Variants in TMEM63C observed in about 807,000 individuals in gnomAD.
The protein encoded by TMEM63C is osmosensitive cation channel TMEM63C.
TMEM63C carries 32 observed loss-of-function variants against 99.2 expected under a neutral mutation model. The observed-to-expected ratio is 0.32, with a 90% CI of 0.24 to 0.43. The LOEUF is 0.43. Ranked by LOEUF, TMEM63C falls within the 20% of genes least tolerant of loss-of-function variation. The pLI is 1.00. For synonymous variants in TMEM63C, 376 were observed against 397.9 expected (o/e 0.94, Z 0.66); for missense variants, 826 against 1,053.0 (o/e 0.78, Z 2.98).
intron 15 of TMEM63C, 46 bp from the exon 16 acceptor site, chr14:77,244,303 G>GCTT (rs1889232462): frequency 7.2e-7 from 1 of 1,388,978 alleles, no homozygotes; most frequent in South Asian, 1.2e-5. Context: ...GGAAGAGGAT[G>GCTT]CTTGCATTGA....
chr14:77,225,300 C>A, intron 5 of TMEM63C, 124 bp from the exon 6 acceptor site: 1 of 691,314 alleles, frequency 1.4e-6, no homozygotes, highest in South Asian at 2.6e-5. Context: ...GACTCTTTTT[C>A]CCAGGAAGGA....
At chr14:77,242,699 C>T (rs1303295922) in intron 14 of TMEM63C, among the ~76,000 whole-genome samples, 1 of 143,680 alleles carries the variant, frequency 7.0e-6, no homozygotes, top group Admixed American at 6.7e-5. Context: ...GAACTCAGGT[C>T]CATTTTTTTT....
intron 1 of TMEM63C, among the ~76,000 whole-genome samples, chr14:77,203,735 C>T (rs1000546849): frequency 6.6e-6 from 1 of 152,258 alleles, no homozygotes; most frequent in Admixed American, 6.5e-5. Context: ...TCTATCTAGA[C>T]AGTAATAAAT....
At chr14:77,200,759 A>C (rs1888285927) in intron 1 of TMEM63C, among the ~76,000 whole-genome samples, 1 of 152,122 alleles carries the variant, frequency 6.6e-6, no homozygotes, top group African/African-American at 2.4e-5. Flanking sequence ...CTCCTCCCGG[A>C]ATGTTCTGCC....
At chr14:77,193,830 G>A (rs1016974372) in intron 1 of TMEM63C, among the ~76,000 whole-genome samples, 11 of 133,540 alleles carry the variant, frequency 8.2e-5, no homozygotes, top group East Asian at 2.0e-4. Context: ...GCGAAACTCC[G>A]TCTCAAAAAA....
intron 6 of TMEM63C, 121 bp from the exon 7 acceptor site, chr14:77,231,467 T>TAAAA: frequency 1.1e-5 from 11 of 963,106 alleles, no homozygotes; most frequent in South Asian, 1.8e-5. Flanking sequence ...ATAGAGATAG[T>TAAAA]AAAAAAAAAA....
rs116832486 is a variant in TMEM63C at position 77,242,257 on chromosome 14, T to C, written c.1065-90T>C. Reference sequence around the variant, plus strand: ...TGAGCCCCCATCTGTAGGACCACCATAGTGGCCCTGAGCTCCTGGCATGAG... The same window carrying C: ...TGAGCCCCCATCTGTAGGACCACCACAGTGGCCCTGAGCTCCTGGCATGAG... On this transcript the variant is annotated intron_variant, in intron 13 of 23. Transcript: ENST00000298351. 7.5e-4 allele frequency: 1,086 copies of C among 1,453,768 alleles called. 8 individuals carry two copies. The African/African-American group carries it at 0.013, about 18-fold the overall frequency. The allele number at this position is 1,453,768 out of a possible 1,614,324, so 90.1% of individuals were successfully genotyped here.
chr14:77,225,244 A>T (rs1043656126), intron 5 of TMEM63C, among the ~76,000 whole-genome samples, 180 bp from the exon 6 acceptor site: 1 of 152,166 alleles, frequency 6.6e-6, no homozygotes, highest in African/African-American at 2.4e-5. Context: ...ATTTCCAGGG[A>T]AGCATCTCCC....
intron 7 of TMEM63C, among the ~76,000 whole-genome samples, chr14:77,232,014 C>G (rs1457409829): frequency 6.6e-6 from 1 of 152,202 alleles, no homozygotes; most frequent in African/African-American, 2.4e-5. Flanking sequence ...TCTGGCTGGG[C>G]GTTCCTGGAG....
intron 1 of TMEM63C, among the ~76,000 whole-genome samples, chr14:77,210,324 A>C (rs1888473514): frequency 6.6e-6 from 1 of 152,136 alleles, no homozygotes; most frequent in Non-Finnish European, 1.5e-5. Context: ...AAAAACCCCC[A>C]GTTCTATCCC....
At chr14:77,185,149 T>C (rs777334210) in intron 1 of TMEM63C, among the ~76,000 whole-genome samples, 1 of 152,166 alleles carries the variant, frequency 6.6e-6, no homozygotes, top group Non-Finnish European at 1.5e-5. Context: ...AGGACCCAAG[T>C]GTCCTGGGCT....
At chr14:77,217,957 T>C (rs1472460078) in intron 2 of TMEM63C, among the ~76,000 whole-genome samples, 1 of 151,992 alleles carries the variant, frequency 6.6e-6, no homozygotes, top group Non-Finnish European at 1.5e-5. Flanking sequence ...ATGAGGGTGG[T>C]GGGGAGTGGG....
chr14:77,256,073 C>A (rs561543421), intron 23 of TMEM63C, among the ~76,000 whole-genome samples: 1 of 152,208 alleles, frequency 6.6e-6, no homozygotes, highest in Non-Finnish European at 1.5e-5. Flanking sequence ...TGACCAAAGT[C>A]TCCGCTAGCA....
intron 1 of TMEM63C, among the ~76,000 whole-genome samples, chr14:77,195,694 T>C (rs910554029): frequency 6.6e-6 from 1 of 152,038 alleles, no homozygotes; most frequent in Non-Finnish European, 1.5e-5. Flanking sequence ...CAAGGGAAGG[T>C]GGGGTGCTCC....
intron 1 of TMEM63C, among the ~76,000 whole-genome samples, chr14:77,203,407 A>T (rs558313440): frequency 1.3e-5 from 2 of 151,468 alleles, no homozygotes; most frequent in Non-Finnish European, 2.9e-5. Flanking sequence ...AAAAACAATA[A>T]AGAGAACAGA....
rs145669797 is a variant in TMEM63C, at chr14:77,208,533, A to G, written c.-76-4913A>G. Among the ~76,000 whole-genome samples the G allele has an allele frequency of 4.4e-3, 672 of 152,226 alleles. 5 individuals are homozygous for G. The highest frequency in any genetic ancestry group is 0.016 in the African/African-American group (644 of 41,532). On this transcript the variant is annotated intron_variant, in intron 1 of 23. Transcript: ENST00000298351. The stretch of plus-strand genomic sequence containing the variant: ...CTCCTCCCTTCAGCCTTGTAAATCT[A>G]TCTCCAGCATGTCTAATTGAAGAGC...
intron 8 of TMEM63C, among the ~76,000 whole-genome samples, chr14:77,234,956 G>T (rs1889010648): frequency 6.6e-6 from 1 of 152,200 alleles, no homozygotes; most frequent in African/African-American, 2.4e-5. Context: ...TACTTCAGCA[G>T]CTCTGGGCTC....
intron 1 of TMEM63C, among the ~76,000 whole-genome samples, chr14:77,200,194 A>G (rs538024246): frequency 1.3e-5 from 2 of 152,186 alleles, no homozygotes; most frequent in Admixed American, 6.5e-5. Flanking sequence ...CTGATCCCCT[A>G]CCCAAGGGGC....
At chr14:77,219,378 A>T in intron 3 of TMEM63C, 120 bp from the exon 4 acceptor site, 1 of 958,396 alleles carries the variant, frequency 1.0e-6, no homozygotes, top group Non-Finnish European at 1.6e-6. Context: ...CTCACCTTCT[A>T]GTGGAGGAGC....
Sources: allele counts gnomAD v4.1 joint callset (sites outside exome capture counted in the v4.1 genomes callset), GRCh38; gene constraint gnomAD v4.1.1; transcripts MANE v1.5; gene names NCBI Gene and HGNC (gene_info 2026-07-23, HGNC 2026-07-21).